The following SAMD5 variants were observed in gnomAD, a reference collection of about 807,000 sequenced individuals.
The protein encoded by SAMD5 is sterile alpha motif domain containing 5.
A neutral mutation model predicts 11.3 loss-of-function variants in SAMD5; 13 were observed. The observed-to-expected ratio is 1.15, with a 90% CI of 0.75 to 1.83. SAMD5 has a LOEUF of 1.83. SAMD5 is among the 40% of genes most tolerant of loss of function. SAMD5 has a pLI of 0.00. For synonymous variants in SAMD5, 129 were observed against 111.3 expected (o/e 1.16, Z -1.00); for missense variants, 255 against 239.1 (o/e 1.07, Z -0.44).
the SAMD5 span, among the ~76,000 whole-genome samples, chr6:147,744,011 A>G: frequency 6.6e-6 from 1 of 152,350 alleles, no homozygotes; most frequent in South Asian, 2.1e-4. Context: ...ATATCAAGAA[A>G]GCAGAGAGGC....
intron 1 of SAMD5, among the ~76,000 whole-genome samples, chr6:147,578,347 C>T (rs1186104763): frequency 2.6e-5 from 4 of 152,220 alleles, no homozygotes; most frequent in South Asian, 2.1e-4. Flanking sequence ...GAGCAACTAA[C>T]GTGTCATACC....
intron 1 of SAMD5, among the ~76,000 whole-genome samples, chr6:147,543,526 A>C (rs1333716): frequency 0.6 from 90,621 of 152,036 alleles, 28,381 homozygotes; most frequent in East Asian, 0.91. Flanking sequence ...ATTGGTTATA[A>C]TTACCATAAT....
chr6:147,580,816 ATT>A, intron 1 of SAMD5, among the ~76,000 whole-genome samples: 1 of 149,398 alleles, frequency 6.7e-6, no homozygotes, highest in African/African-American at 2.4e-5. Flanking sequence ...CTAAACTATG[ATT>A]TTTTTTTTTT....
At chr6:147,652,814 T>G (rs1198761805) in intron 1 of SAMD5, among the ~76,000 whole-genome samples, 1 of 152,250 alleles carries the variant, frequency 6.6e-6, no homozygotes, top group Non-Finnish European at 1.5e-5. Flanking sequence ...TCACTTTGTT[T>G]GGTCAGCATT....
At chr6:147,734,087 A>G (rs1380009866) in intron 1 of SAMD5, among the ~76,000 whole-genome samples, 1 of 152,192 alleles carries the variant, frequency 6.6e-6, no homozygotes. Context: ...TAAAATGTTT[A>G]TGTTGGGATA....
At chr6:147,860,415 T>C in the SAMD5 span, among the ~76,000 whole-genome samples, 1 of 152,184 alleles carries the variant, frequency 6.6e-6, no homozygotes, top group Admixed American at 6.5e-5. Flanking sequence ...TCTAGGAACA[T>C]AGTTCAACCC....
intron 1 of SAMD5, among the ~76,000 whole-genome samples, chr6:147,533,636 G>C (rs978462185): frequency 6.6e-6 from 1 of 151,890 alleles, no homozygotes; most frequent in Non-Finnish European, 1.5e-5. Flanking sequence ...ATAAAACCTA[G>C]AGGATGTGTG....
intron 1 of SAMD5, among the ~76,000 whole-genome samples, chr6:147,625,986 C>T (rs1259469657): frequency 6.6e-6 from 1 of 152,104 alleles, no homozygotes; most frequent in Non-Finnish European, 1.5e-5. Flanking sequence ...TAAGGGTAGC[C>T]ATGCAATGTA....
At chr6:147,863,096 A>G in the SAMD5 span, among the ~76,000 whole-genome samples, 2 of 152,190 alleles carry the variant, frequency 1.3e-5, no homozygotes, top group Non-Finnish European at 2.9e-5. Flanking sequence ...CTTATTTACA[A>G]GGATTTGGAG....
intron 1 of SAMD5, among the ~76,000 whole-genome samples, chr6:147,696,184 G>T (rs769829351): frequency 6.6e-6 from 1 of 151,992 alleles, no homozygotes; most frequent in Non-Finnish European, 1.5e-5. Context: ...ATGATCCCTG[G>T]TACCCCACTT....
At chr6:147,824,397 G>C in the SAMD5 span, among the ~76,000 whole-genome samples, 1 of 152,090 alleles carries the variant, frequency 6.6e-6, no homozygotes, top group Non-Finnish European at 1.5e-5. Context: ...ATGTTTACAG[G>C]CATGCCACTC....
At chr6:147,932,495 C>T in the SAMD5 span, among the ~76,000 whole-genome samples, 1 of 152,052 alleles carries the variant, frequency 6.6e-6, no homozygotes, top group Non-Finnish European at 1.5e-5. Context: ...AATACTTTAA[C>T]TCAAGCAAAT....
the SAMD5 span, among the ~76,000 whole-genome samples, chr6:147,944,124 CT>C: frequency 1.3e-5 from 2 of 152,196 alleles, no homozygotes; most frequent in African/African-American, 4.8e-5. Context: ...TTCCCTCCCC[CT>C]CTCTCACTCT....
At position 147,569,969 on chromosome 6, in the gene SAMD5, G is replaced by A; in HGVS notation, c.*5513G>A. The A allele has an allele frequency of 2.0e-6, 2 of 985,246 alleles. No individual in the cohort carries two copies. Among genetic ancestry groups the A allele is most frequent in the Non-Finnish European group, 2.4e-6 (2 of 829,798 alleles). The allele number at this position is 985,246 out of a possible 1,614,324, so 61.0% of individuals were successfully genotyped here. A position where few individuals can be genotyped will look rare whatever the true frequency, so the allele number is the denominator to read the frequency against. On this transcript the variant is annotated 3_prime_UTR_variant, in exon 2 of 2. Coordinates refer to ENST00000367474, the MANE Select transcript of SAMD5 (RefSeq NM_001030060.3). ...CATGTAATGCATGCCCATGCACACT[G>A]TGATTTGCAAACATATGTCCGCTCT...
At chr6:147,827,334 C>A in the SAMD5 span, among the ~76,000 whole-genome samples, 1 of 151,170 alleles carries the variant, frequency 6.6e-6, no homozygotes, top group East Asian at 1.9e-4. Context: ...AGGAAGGGAA[C>A]AAGGAAGGAA....
intron 1 of SAMD5, among the ~76,000 whole-genome samples, chr6:147,674,940 G>A (rs1790842888): frequency 6.6e-6 from 1 of 152,140 alleles, no homozygotes; most frequent in Non-Finnish European, 1.5e-5. Context: ...GCCAAGAACA[G>A]CATATGAGAA....
chr6:147,553,342 T>C (rs1788803264), intron 1 of SAMD5, among the ~76,000 whole-genome samples: 1 of 152,190 alleles, frequency 6.6e-6, no homozygotes, highest in South Asian at 2.1e-4. Context: ...GGACTTCATG[T>C]CTGTCCTGGC....
In SAMD5 at chr6:147,519,717, G is replaced by T. The variant is rs182567196; in HGVS notation, c.459+10330G>T. On this transcript the variant is annotated intron_variant, in intron 1 of 1. Coordinates refer to ENST00000367474, the MANE Select transcript of SAMD5 (RefSeq NM_001030060.3). Reference sequence around the variant, plus strand: ...AAAGGACTCTTTAGTCAAGTATGTGGGTTGGGGGCCTCTGAATTAACTTCC... The same window carrying T: ...AAAGGACTCTTTAGTCAAGTATGTGTGTTGGGGGCCTCTGAATTAACTTCC... Among the ~76,000 whole-genome samples the T allele has an allele frequency of 6.1e-3, 926 of 152,262 alleles. 11 individuals carry two copies. The highest frequency in any genetic ancestry group is 0.02 in the African/African-American group (844 of 41,544).
the SAMD5 span, among the ~76,000 whole-genome samples, chr6:147,865,367 A>C: frequency 2.0e-5 from 3 of 151,078 alleles, no homozygotes; most frequent in Non-Finnish European, 4.4e-5. Flanking sequence ...TGTCATAGAA[A>C]GAGGGAGAGA....
Sources: allele counts gnomAD v4.1 joint callset (sites outside exome capture counted in the v4.1 genomes callset), GRCh38; gene constraint gnomAD v4.1.1; transcripts MANE v1.5; gene names NCBI Gene and HGNC (gene_info 2026-07-23, HGNC 2026-07-21).